The following LYPD6B variants were observed in gnomAD, a reference collection of about 807,000 sequenced individuals.
LYPD6B encodes the protein LY6/PLAUR domain containing 6B, also known as ly6/PLAUR domain-containing protein 6B.
Under a neutral mutation model 22.8 loss-of-function variants are expected in LYPD6B, and 17 were observed. The ratio of observed to expected loss-of-function variants is 0.75; its 90% CI spans 0.51 to 1.12. The LOEUF (loss-of-function observed/expected upper bound fraction) is 1.12, where lower values mean the gene tolerates loss of function less well. Among genes scored for constraint, LYPD6B ranks in the 50% most tolerant of loss-of-function variants. The probability of loss-of-function intolerance (pLI) is 0.00; values close to 1 mark genes in which losing one functional copy is unlikely to be tolerated. For synonymous variants in LYPD6B, 106 were observed against 91.6 expected, an observed-to-expected ratio of 1.16 and a Z score of -0.90; for missense variants, 221 against 258.3, an observed-to-expected ratio of 0.86 and a Z score of 0.99.
chr2:149,057,643 A>G (rs527686871), intron 1 of LYPD6B, among the ~76,000 whole-genome samples: 124 of 152,356 alleles, frequency 8.1e-4, no homozygotes, highest in Non-Finnish European at 1.6e-3. Context: ...TGGAGCAAAC[A>G]GCATTTCAAA....
At chr2:149,212,843 T>C (rs1693959357) in intron 5 of LYPD6B, 149 bp from the exon 6 acceptor site, 2 of 631,726 alleles carry the variant, frequency 3.2e-6, no homozygotes, top group Admixed American at 6.6e-5. Context: ...AACTTCAGAG[T>C]TCACTGCTAT....
chr2:149,102,950 CT>C (rs1204056382), intron 1 of LYPD6B, among the ~76,000 whole-genome samples: 1 of 152,196 alleles, frequency 6.6e-6, no homozygotes, highest in Non-Finnish European at 1.5e-5. Flanking sequence ...TCTATTAATA[CT>C]TGACTCAGGG....
chr2:149,135,995 T>G lies in LYPD6B; in HGVS notation c.5+5042T>G, dbSNP rs553654639. On this transcript the variant is annotated intron_variant, in intron 2 of 6. Coordinates refer to ENST00000409642, the MANE Select transcript of LYPD6B (RefSeq NM_177964.5). ...ATCATAGTCATCGCTACCTGCTAAT[T>G]CATATCTTTCCATGGCTTTCTGGAG... Among the ~76,000 whole-genome samples the G allele has an allele frequency of 1.8e-4, 28 of 152,258 alleles. No individual in the cohort carries two copies. In the Middle Eastern group the frequency reaches 0.017, roughly 92 times the overall value.
chr2:149,147,671 G>A (rs76652675), intron 2 of LYPD6B, among the ~76,000 whole-genome samples: 2 of 151,978 alleles, frequency 1.3e-5, no homozygotes, highest in Non-Finnish European at 2.9e-5. Context: ...GCGCCACCAC[G>A]CCCGGCTAAT....
Position 149,039,642 on chromosome 2 carries a change from T to C in LYPD6B, c.-67+841T>C, listed in dbSNP as rs78034256. ...ATTACAACAGACTTAGGTTATATGA[T>C]GTTCATGGAGTACATAGCATACTGC... On this transcript the variant is annotated intron_variant, in intron 1 of 6. Transcript: ENST00000409642. Among the ~76,000 whole-genome samples, 4 of 152,392 alleles carry C rather than the reference T, an allele frequency of 2.6e-5. No homozygotes were observed. The East Asian group carries it at 7.7e-4, about 29-fold the overall frequency.
At chr2:149,097,195 C>T (rs553365937) in intron 1 of LYPD6B, among the ~76,000 whole-genome samples, 4 of 152,346 alleles carry the variant, frequency 2.6e-5, no homozygotes, top group South Asian at 2.1e-4. Flanking sequence ...GCCACCCCTG[C>T]GAAGAGAACC....
chr2:149,051,158 A>T (rs1558968508), intron 1 of LYPD6B, among the ~76,000 whole-genome samples: 1 of 151,630 alleles, frequency 6.6e-6, no homozygotes, highest in African/African-American at 2.4e-5. Context: ...TCCCTGAACA[A>T]TATTATTATT....
At chr2:149,158,657 A>G (rs188190333) in intron 2 of LYPD6B, among the ~76,000 whole-genome samples, 1 of 152,364 alleles carries the variant, frequency 6.6e-6, no homozygotes, top group East Asian at 1.9e-4. Context: ...CACTTTAAAA[A>G]TGGTTAAAAT....
At chr2:149,089,991 T>C (rs1038862027) in intron 1 of LYPD6B, among the ~76,000 whole-genome samples, 2 of 152,202 alleles carry the variant, frequency 1.3e-5, no homozygotes, top group African/African-American at 4.8e-5. Flanking sequence ...TCTTCCTCTA[T>C]TAAATGCATC....
At chr2:149,205,653 G>A (rs776244705) in intron 4 of LYPD6B, among the ~76,000 whole-genome samples, 1 of 152,180 alleles carries the variant, frequency 6.6e-6, no homozygotes, top group Non-Finnish European at 1.5e-5. Flanking sequence ...AACTTTTGGA[G>A]CACTGTTCCT....
chr2:149,056,278 C>G (rs1401520258), intron 1 of LYPD6B, among the ~76,000 whole-genome samples: 2 of 152,140 alleles, frequency 1.3e-5, no homozygotes, highest in Non-Finnish European at 2.9e-5. Context: ...AGGTACTGTG[C>G]TGGGATCCCA....
At chr2:149,203,932 T>C (rs146199984) in intron 3 of LYPD6B, among the ~76,000 whole-genome samples, 2 of 152,352 alleles carry the variant, frequency 1.3e-5, no homozygotes, top group East Asian at 1.9e-4. Flanking sequence ...CTAGAATCTA[T>C]GCATTATTGC....
rs544660956 is a variant in LYPD6B, at chr2:149,200,646, A to G, written c.78-4607A>G. The G allele has an allele frequency of 2.6e-5, 4 of 152,284 alleles. No homozygotes were observed. In the East Asian group the frequency reaches 7.7e-4, roughly 29 times the overall value. The allele number at this position is 152,284 out of a possible 1,614,324, so 9.4% of individuals were successfully genotyped here. A position where few individuals can be genotyped will look rare whatever the true frequency, so the allele number is the denominator to read the frequency against. ...GGAAGTGTAAAATGCCACACGTTGGATGAGATGATTATCCGAGCTCAGACT... is the reference window on the plus strand; with the variant it reads ...GGAAGTGTAAAATGCCACACGTTGGGTGAGATGATTATCCGAGCTCAGACT... On this transcript the variant is annotated intron_variant, in intron 3 of 6. Coordinates refer to ENST00000409642, the MANE Select transcript of LYPD6B (RefSeq NM_177964.5).
intron 3 of LYPD6B, chr2:149,204,864 C>G (rs188336575): frequency 3.2e-4 from 54 of 166,984 alleles, no homozygotes; most frequent in African/African-American, 1.2e-3. Flanking sequence ...GATAGGTGGT[C>G]CAGTGACTTT....
At chr2:149,130,781 G>A (rs1687979743) in intron 1 of LYPD6B, 102 bp from the exon 2 acceptor site, 1 of 607,288 alleles carries the variant, frequency 1.6e-6, no homozygotes, top group African/African-American at 1.9e-5. Flanking sequence ...ATCTCTTTAT[G>A]ATGTGTCCCC....
At chr2:149,078,550 C>T (rs1684978997) in intron 1 of LYPD6B, among the ~76,000 whole-genome samples, 1 of 152,130 alleles carries the variant, frequency 6.6e-6, no homozygotes, top group Admixed American at 6.5e-5. Flanking sequence ...ATACAGTGTA[C>T]CTAAGAGGAA....
At chr2:149,134,147 A>C (rs974616047) in intron 2 of LYPD6B, among the ~76,000 whole-genome samples, 2 of 152,116 alleles carry the variant, frequency 1.3e-5, no homozygotes, top group African/African-American at 2.4e-5. Context: ...GGAGAGAGAG[A>C]GAGCCCCATG....
chr2:149,189,005 A>G (rs1041097985), intron 3 of LYPD6B, among the ~76,000 whole-genome samples: 14 of 152,134 alleles, frequency 9.2e-5, no homozygotes, highest in Non-Finnish European at 1.3e-4. Context: ...AGGTGTGCCA[A>G]AATATTTAGC....
intron 1 of LYPD6B, among the ~76,000 whole-genome samples, chr2:149,054,862 G>A (rs570933620): frequency 1.4e-5 from 2 of 146,908 alleles, no homozygotes; most frequent in Non-Finnish European, 3.0e-5. Context: ...CTGAGTGACA[G>A]AGTGATACCC....
Sources: allele counts gnomAD v4.1 joint callset (sites outside exome capture counted in the v4.1 genomes callset), GRCh38; gene constraint gnomAD v4.1.1; transcripts MANE v1.5; gene names NCBI Gene and HGNC (gene_info 2026-07-23, HGNC 2026-07-21).